BTD: variants seen among roughly 807,000 people sequenced by gnomAD.
BTD encodes biocytinase.
Under a neutral mutation model 17.7 loss-of-function variants are expected in BTD, and 13 were observed. The observed-to-expected ratio is 0.74, with a 90% CI of 0.48 to 1.17. BTD has a LOEUF of 1.17. Ranked by LOEUF, BTD falls within the 50% of genes most tolerant of loss-of-function variation. The pLI is 0.00. For missense variants in BTD, 674 were observed against 650.4 expected (o/e 1.04, Z -0.39); for synonymous variants, 240 against 245.2 (o/e 0.98, Z 0.20).
At chr3:15,678,074 G>C in intron 3 of BTD, 6 of 859,060 alleles carry the variant, frequency 7.0e-6, no homozygotes, top group Non-Finnish European at 8.5e-6. Flanking sequence ...TGAAAATGTG[G>C]ATTGCAAACA....
chr3:15,641,516 A>C (rs1486516395), intron 2 of BTD, among the ~76,000 whole-genome samples: 1 of 152,194 alleles, frequency 6.6e-6, no homozygotes, highest in Non-Finnish European at 1.5e-5. Context: ...ACGTGTGTTA[A>C]TGGGCCCAAT....
intron 3 of BTD, among the ~76,000 whole-genome samples, chr3:15,663,897 C>T (rs1165687563): frequency 1.3e-5 from 2 of 152,220 alleles, no homozygotes; most frequent in East Asian, 3.9e-4. Flanking sequence ...ACATACATGA[C>T]TGATTTTAGA....
intron 1 of BTD, among the ~76,000 whole-genome samples, chr3:15,611,023 T>C (rs2064610044): frequency 6.6e-6 from 1 of 151,546 alleles, no homozygotes; most frequent in Non-Finnish European, 1.5e-5. Context: ...CAATGCATAA[T>C]TTTTTTTAGC....
intron 1 of BTD, among the ~76,000 whole-genome samples, chr3:15,609,671 A>G (rs1043756582): frequency 3.3e-5 from 5 of 152,098 alleles, no homozygotes; most frequent in African/African-American, 9.7e-5. Context: ...TTATATTTGT[A>G]TATATATATT....
At chr3:15,606,353 C>G (rs2064453671) in intron 1 of BTD, 1 of 152,220 alleles carries the variant, frequency 6.6e-6, no homozygotes, top group African/African-American at 2.4e-5. Flanking sequence ...AACCCTAGCT[C>G]TGTTTTCATG....
chr3:15,707,041 G>T (rs2071532061), intron 3 of BTD, among the ~76,000 whole-genome samples: 1 of 152,130 alleles, frequency 6.6e-6, no homozygotes, highest in Admixed American at 6.6e-5. Context: ...CATTTGTGAA[G>T]AATCAAATTA....
chr3:15,610,694 G>A (rs1559577905), intron 1 of BTD, among the ~76,000 whole-genome samples: 2 of 152,104 alleles, frequency 1.3e-5, no homozygotes, highest in Non-Finnish European at 2.9e-5. Flanking sequence ...GATGTTGGTA[G>A]GACAAGTAGT....
In BTD at chr3:15,649,669, ACT is replaced by A. The variant is rs556533708; in HGVS notation, c.*4182_*4183del. Among the ~76,000 whole-genome samples, 370 of 152,262 alleles carry A rather than the reference ACT, an allele frequency of 2.4e-3. No homozygotes were observed. Among genetic ancestry groups the A allele is most frequent in the Non-Finnish European group, 4.4e-3 (297 of 68,018 alleles). On this transcript the variant is annotated 3_prime_UTR_variant, in exon 4 of 4. Coordinates refer to ENST00000643237, the MANE Select transcript of BTD (RefSeq NM_001370658.1). The stretch of plus-strand genomic sequence containing the variant: ...GTGCTGAGCACAGTCTGGCCCCTGT[ACT>A]GTTGTCTGCTTGAAATGGCGTCTTC...
downstream of BTD, among the ~76,000 whole-genome samples, chr3:15,716,639 G>C (rs1278357304): frequency 6.6e-6 from 1 of 151,550 alleles, no homozygotes; most frequent in African/African-American, 2.4e-5. Flanking sequence ...TTGATAAGAA[G>C]GATAAGAAAA....
chr3:15,718,035 G>A (rs568732915), intron 4 of BTD, among the ~76,000 whole-genome samples: 1 of 152,176 alleles, frequency 6.6e-6, no homozygotes, highest in South Asian at 2.1e-4. Context: ...ATAATAAAGG[G>A]CAAGTGTAAA....
At chr3:15,602,287 A>G in intron 1 of BTD, 1 of 1,185,008 alleles carries the variant, frequency 8.4e-7, no homozygotes, top group Non-Finnish European at 1.1e-6. Flanking sequence ...TTGGGTCACA[A>G]GCGATGAAAA....
chr3:15,686,761 G>C (rs969052140), intron 3 of BTD, among the ~76,000 whole-genome samples: 2 of 152,078 alleles, frequency 1.3e-5, no homozygotes, highest in Non-Finnish European at 2.9e-5. Flanking sequence ...GAGGCTGCTG[G>C]GAAATACTTT....
chr3:15,703,963 G>A (rs911941872), intron 3 of BTD, among the ~76,000 whole-genome samples: 8 of 152,080 alleles, frequency 5.3e-5, no homozygotes, highest in African/African-American at 1.4e-4. Flanking sequence ...GTTATCTCAG[G>A]AGAGCTGGTA....
chr3:15,676,229 T>G, intron 3 of BTD: 2 of 383,810 alleles, frequency 5.2e-6, no homozygotes, highest in Non-Finnish European at 4.6e-6. Flanking sequence ...CATCGACAGG[T>G]CCCTACCTTC....
At chr3:15,623,769 C>T (rs1490489106) in intron 1 of BTD, among the ~76,000 whole-genome samples, 1 of 152,170 alleles carries the variant, frequency 6.6e-6, no homozygotes, top group Admixed American at 6.5e-5. Context: ...AAGCGTGTAG[C>T]ACTTCCCACT....
At chr3:15,623,063 A>T (rs1574994761) in intron 1 of BTD, among the ~76,000 whole-genome samples, 1 of 152,246 alleles carries the variant, frequency 6.6e-6, no homozygotes, top group African/African-American at 2.4e-5. Flanking sequence ...GAGTTTGTGC[A>T]GAGGAGCTTC....
chr3:15,628,220 C>T (rs1190097546), intron 1 of BTD, among the ~76,000 whole-genome samples: 2 of 152,206 alleles, frequency 1.3e-5, no homozygotes, highest in African/African-American at 4.8e-5. Context: ...ACATCCACCA[C>T]AAGCTTAGAG....
chr3:15,686,089 C>A (rs2068089059), intron 3 of BTD: 2 of 1,613,158 alleles, frequency 1.2e-6, no homozygotes, highest in South Asian at 2.2e-5. Flanking sequence ...AGTCTGTGTG[C>A]CCGTTGAGAA....
downstream of BTD, among the ~76,000 whole-genome samples, chr3:15,658,473 G>A (rs550196527): frequency 1.1e-4 from 16 of 152,294 alleles, no homozygotes; most frequent in South Asian, 2.7e-3. Context: ...CCAGGCACTC[G>A]GGTATAGCCT....
Sources: allele counts gnomAD v4.1 joint callset (sites outside exome capture counted in the v4.1 genomes callset), GRCh38; gene constraint gnomAD v4.1.1; transcripts MANE v1.5; gene names NCBI Gene and HGNC (gene_info 2026-07-23, HGNC 2026-07-21).